CNTNAP5: variants seen among roughly 807,000 people sequenced by gnomAD.
The protein encoded by CNTNAP5 is contactin associated protein family member 5.
CNTNAP5 carries 72 observed loss-of-function variants against 150.2 expected under a neutral mutation model. The ratio of observed to expected loss-of-function variants is 0.48; its 90% CI spans 0.40 to 0.58. The LOEUF is 0.58. CNTNAP5 is among the 20% of genes least tolerant of loss of function. CNTNAP5 has a pLI of 0.00. For missense variants in CNTNAP5, 1,636 were observed against 1,626.2 expected (o/e 1.01, Z -0.10); for synonymous variants, 672 against 619.8 (o/e 1.08, Z -1.25).
chr2:124,506,960 C>G (rs982702459), intron 8 of CNTNAP5, among the ~76,000 whole-genome samples: 7 of 152,112 alleles, frequency 4.6e-5, no homozygotes, highest in African/African-American at 7.2e-5. Context: ...CATTTTTACC[C>G]TCAAGTTATT....
At chr2:124,495,106 T>G (rs1694115157) in intron 7 of CNTNAP5, among the ~76,000 whole-genome samples, 1 of 152,198 alleles carries the variant, frequency 6.6e-6, no homozygotes. Flanking sequence ...ATTTGTTCAA[T>G]TTAATGTTAT....
chr2:124,426,159 A>G (rs1692234362), intron 4 of CNTNAP5, among the ~76,000 whole-genome samples: 2 of 151,822 alleles, frequency 1.3e-5, no homozygotes, highest in African/African-American at 2.4e-5. Context: ...TTTTTTTTGT[A>G]CTATGATTGT....
At chr2:124,681,301 C>CAAAA (rs70996097) in intron 13 of CNTNAP5, among the ~76,000 whole-genome samples, 1 of 72,350 alleles carries the variant, frequency 1.4e-5, no homozygotes, top group Non-Finnish European at 2.6e-5. Flanking sequence ...GACTCCATCT[C>CAAAA]AAAAAAAAAA....
chr2:124,885,595 G>A, intron 21 of CNTNAP5, among the ~76,000 whole-genome samples: 1 of 141,336 alleles, frequency 7.1e-6, no homozygotes, highest in African/African-American at 2.8e-5. Context: ...ACACAACTCA[G>A]TACCCATTAA....
chr2:124,833,861 A>G (rs923193291), intron 19 of CNTNAP5, among the ~76,000 whole-genome samples: 2 of 152,052 alleles, frequency 1.3e-5, no homozygotes, highest in East Asian at 1.9e-4. Flanking sequence ...GACTCAGGTA[A>G]GAGATGTGGT....
chr2:124,444,989 G>A (rs1053383331), intron 5 of CNTNAP5, among the ~76,000 whole-genome samples: 1 of 151,772 alleles, frequency 6.6e-6, no homozygotes, highest in African/African-American at 2.4e-5. Flanking sequence ...AGACCACGAA[G>A]ACCTTCAGAG....
At chr2:124,529,443 A>G (rs192297796) in intron 10 of CNTNAP5, among the ~76,000 whole-genome samples, 1 of 152,272 alleles carries the variant, frequency 6.6e-6, no homozygotes, top group Non-Finnish European at 1.5e-5. Context: ...ATTGTATAAT[A>G]AGGGATTGTG....
intron 13 of CNTNAP5, among the ~76,000 whole-genome samples, chr2:124,674,948 T>C (rs1413293830): frequency 6.6e-6 from 1 of 152,088 alleles, no homozygotes; most frequent in African/African-American, 2.4e-5. Flanking sequence ...AGATTATGCA[T>C]TCTGTTGCTA....
At chr2:124,208,292 T>C (rs1685915505) in intron 1 of CNTNAP5, among the ~76,000 whole-genome samples, 2 of 152,334 alleles carry the variant, frequency 1.3e-5, no homozygotes, top group South Asian at 4.1e-4. Flanking sequence ...TGTACAGTTT[T>C]AACAAATGGC....
intron 1 of CNTNAP5, among the ~76,000 whole-genome samples, chr2:124,089,617 G>T (rs1682770686): frequency 6.6e-6 from 1 of 152,182 alleles, no homozygotes. Flanking sequence ...ACTTAAAGGA[G>T]AAATTATTTA....
intron 19 of CNTNAP5, among the ~76,000 whole-genome samples, chr2:124,848,980 C>G (rs1269292747): frequency 6.6e-6 from 1 of 152,022 alleles, no homozygotes; most frequent in Non-Finnish European, 1.5e-5. Flanking sequence ...TGTGCAGAAA[C>G]TTCTTAGTGT....
intron 8 of CNTNAP5, among the ~76,000 whole-genome samples, chr2:124,511,942 T>G (rs1694601673): frequency 7.2e-6 from 1 of 137,988 alleles, no homozygotes; most frequent in African/African-American, 2.7e-5. Context: ...TTTTTTTTTT[T>G]GCAACCTTCC....
intron 11 of CNTNAP5, among the ~76,000 whole-genome samples, chr2:124,568,153 CTCT>C (rs952406729): frequency 1.3e-5 from 2 of 152,134 alleles, no homozygotes; most frequent in African/African-American, 4.8e-5. Flanking sequence ...CATTCATGAC[CTCT>C]TTTATATTGC....
At chr2:124,476,277 G>T (rs1051914118) in intron 7 of CNTNAP5, among the ~76,000 whole-genome samples, 9 of 152,090 alleles carry the variant, frequency 5.9e-5, no homozygotes, top group African/African-American at 2.2e-4. Context: ...ATCATTTAAA[G>T]AATTCAAAAG....
intron 10 of CNTNAP5, among the ~76,000 whole-genome samples, chr2:124,555,297 G>T (rs971662861): frequency 2.0e-5 from 3 of 152,080 alleles, no homozygotes; most frequent in African/African-American, 7.2e-5. Flanking sequence ...CTTAAAAATT[G>T]CATGCCTAAG....
In CNTNAP5 at chr2:124,524,357, A is replaced by G. The variant is rs1257804415; in HGVS notation, c.1382A>G (p.Asn461Ser). The G allele has an allele frequency of 6.2e-7, 1 of 1,613,700 alleles. No homozygotes were observed. The highest frequency in any genetic ancestry group is 1.3e-5 in the African/African-American group (1 of 74,888). The change falls in exon 9 of 24, where the codon AAC becomes AGC. Residue 461 changes from asparagine to serine, a missense_variant. Coordinates refer to ENST00000682447, the MANE Select transcript of CNTNAP5 (RefSeq NM_001367498.1). ...WHSVSINARR[N>S]RITLTLDDEA... ...TCGGTTAGCATCAACGCCAGGAGGAACCGCATCACGCTCACTCTGGATGAT... is the reference window on the plus strand; with the variant it reads ...TCGGTTAGCATCAACGCCAGGAGGAGCCGCATCACGCTCACTCTGGATGAT...
intron 1 of CNTNAP5, among the ~76,000 whole-genome samples, chr2:124,214,721 T>C (rs1573841501): frequency 6.6e-6 from 1 of 152,310 alleles, no homozygotes; most frequent in East Asian, 1.9e-4. Flanking sequence ...TTTCAAAAAA[T>C]GTATGGATTA....
At position 124,790,443 on chromosome 2, in the gene CNTNAP5, C is replaced by G. The variant is rs542662690; in HGVS notation, c.2992+302C>G. Reference sequence around the variant, plus strand: ...TTGTTAGCTAGATTGTTAGTGAACACATTAATATTTCCACTTCCAATCCCT... The same window carrying G: ...TTGTTAGCTAGATTGTTAGTGAACAGATTAATATTTCCACTTCCAATCCCT... On this transcript the variant is annotated intron_variant, in intron 18 of 23. Transcript: ENST00000682447. Among the ~76,000 whole-genome samples, 5 of 152,106 alleles carry G rather than the reference C, an allele frequency of 3.3e-5. No individual in the cohort carries two copies. The South Asian group carries it at 1.0e-3, about 32-fold the overall frequency.
At chr2:124,856,048 C>A (rs1253528593) in intron 19 of CNTNAP5, among the ~76,000 whole-genome samples, 1 of 149,976 alleles carries the variant, frequency 6.7e-6, no homozygotes, top group Non-Finnish European at 1.5e-5. Context: ...TTTATTTGTT[C>A]CTTCTTATGG....
Sources: gnomAD v4.1 joint callset for allele counts (sites outside exome capture counted in the v4.1 genomes callset) on GRCh38, gnomAD v4.1.1 for gene constraint, MANE v1.5 for transcripts, NCBI Gene and HGNC (gene_info 2026-07-23, HGNC 2026-07-21) for gene names.